The following USH2A variants were observed in gnomAD, a reference collection of about 807,000 sequenced individuals.
The protein encoded by USH2A is usherin.
A neutral mutation model predicts 538.9 loss-of-function variants in USH2A; 443 were observed. That is an observed-to-expected ratio of 0.82 (90% CI 0.76 to 0.89). The LOEUF is 0.89. USH2A is among the 40% of genes least tolerant of loss of function. The probability of loss-of-function intolerance (pLI) is 0.00; values close to 1 mark genes in which losing one functional copy is unlikely to be tolerated. For synonymous variants in USH2A, 2,413 were observed against 2,273.5 expected, an observed-to-expected ratio of 1.06 and a Z score of -1.75; for missense variants, 6,633 against 6,324.8, an observed-to-expected ratio of 1.05 and a Z score of -1.65.
chr1:216,321,849 T>A (rs7515253), intron 9 of USH2A, 34 bp downstream of exon 9: 1 of 1,566,274 alleles, frequency 6.4e-7, no homozygotes. Flanking sequence ...CTACTATTTT[T>A]TTTTTAGATT....
At chr1:216,164,659 CA>C (rs1245264740) in intron 21 of USH2A, among the ~76,000 whole-genome samples, 1 of 151,854 alleles carries the variant, frequency 6.6e-6, no homozygotes, top group Non-Finnish European at 1.5e-5. Flanking sequence ...ACAATGACAA[CA>C]AAAAACAGGT....
At chr1:215,798,641 A>G (rs1662208656) in intron 50 of USH2A, among the ~76,000 whole-genome samples, 1 of 152,146 alleles carries the variant, frequency 6.6e-6, no homozygotes, top group Non-Finnish European at 1.5e-5. Flanking sequence ...ATTCATAACC[A>G]ATGCATTCAT....
At chr1:215,893,804 T>G (rs552300132) in intron 40 of USH2A, among the ~76,000 whole-genome samples, 1 of 152,282 alleles carries the variant, frequency 6.6e-6, no homozygotes, top group East Asian at 1.9e-4. Flanking sequence ...GGATAGAATT[T>G]TTGATTAATC....
At chr1:215,655,063 A>G (rs1657198991) in intron 64 of USH2A, among the ~76,000 whole-genome samples, 1 of 152,190 alleles carries the variant, frequency 6.6e-6, no homozygotes, top group South Asian at 2.1e-4. Context: ...TTCCTTAGCC[A>G]TGGTCATCAA....
intron 20 of USH2A, among the ~76,000 whole-genome samples, chr1:216,185,534 C>T (rs1393968860): frequency 6.6e-6 from 1 of 151,912 alleles, no homozygotes; most frequent in East Asian, 1.9e-4. Context: ...AATGGTCACT[C>T]GTTTCCATTG....
intron 18 of USH2A, among the ~76,000 whole-genome samples, chr1:216,197,507 A>G (rs1003985555): frequency 6.6e-6 from 1 of 152,142 alleles, no homozygotes; most frequent in Non-Finnish European, 1.5e-5. Flanking sequence ...GATGGCTGGT[A>G]GTCATTAAGA....
intron 3 of USH2A, among the ~76,000 whole-genome samples, chr1:216,371,506 A>T (rs1248142928): frequency 6.6e-6 from 1 of 152,194 alleles, no homozygotes; most frequent in African/African-American, 2.4e-5. Flanking sequence ...ATTAACTAAA[A>T]TACTGTCTTT....
chr1:215,836,505 A>T (rs1398922182), intron 47 of USH2A, among the ~76,000 whole-genome samples: 6 of 16,800 alleles, frequency 3.6e-4, no homozygotes, highest in African/African-American at 1.3e-3. Flanking sequence ...TATAATATAT[A>T]TTATATATAT....
At chr1:215,935,965 A>T (rs557272791) in intron 37 of USH2A, among the ~76,000 whole-genome samples, 7 of 152,166 alleles carry the variant, frequency 4.6e-5, no homozygotes, top group African/African-American at 1.7e-4. Context: ...GAATCACTTG[A>T]ACCCACAAAT....
rs773490498 is a variant in USH2A, at chr1:215,838,028, C to A, written c.9334G>T (p.Asp3112Tyr). ...QITTVEDTPSDIPTPTIRGIT... is the reference protein window; with the variant it reads ...QITTVEDTPSYIPTPTIRGIT... The stretch of plus-strand genomic sequence containing the variant: ...CCACGAATTGTGGGTGTTGGTATAT[C>A]ACTTGGAGTGTCTTCCACAGTGGTA... The change falls in exon 47 of 72, where the codon GAT (aspartate) becomes TAT (tyrosine). Residue 3112 changes from aspartate to tyrosine, a missense_variant. By Grantham distance (160) the Asp-to-Tyr change is radical (BLOSUM62 -3). Coordinates refer to ENST00000307340, the MANE Select transcript of USH2A (RefSeq NM_206933.4). The A allele has an allele frequency of 1.2e-6, 2 of 1,614,018 alleles. No individual in the cohort carries two copies. The highest frequency in any genetic ancestry group is 3.3e-5 in the Admixed American group (2 of 59,988).
chr1:215,924,545 T>C (rs917766337), intron 38 of USH2A, among the ~76,000 whole-genome samples: 1 of 151,910 alleles, frequency 6.6e-6, no homozygotes, highest in Non-Finnish European at 1.5e-5. Flanking sequence ...TTTAGGGCAC[T>C]ATAAAAATTC....
chr1:215,828,387 C>G (rs1182264328), intron 47 of USH2A, among the ~76,000 whole-genome samples: 1 of 152,066 alleles, frequency 6.6e-6, no homozygotes, highest in Non-Finnish European at 1.5e-5. Context: ...CCTGGAAGGT[C>G]AAGGCTGCAG....
chr1:215,710,298 A>C (rs1468735283), intron 61 of USH2A, among the ~76,000 whole-genome samples: 1 of 152,176 alleles, frequency 6.6e-6, no homozygotes, highest in African/African-American at 2.4e-5. Context: ...ATTCAAACCA[A>C]AGCACGTAGC....
chr1:215,814,958 T>C (rs1246231625), intron 48 of USH2A, among the ~76,000 whole-genome samples: 1 of 152,128 alleles, frequency 6.6e-6, no homozygotes, highest in African/African-American at 2.4e-5. Flanking sequence ...GGCTGTAATC[T>C]TATGGTAAAG....
intron 35 of USH2A, among the ~76,000 whole-genome samples, chr1:215,974,316 C>G (rs999958030): frequency 6.6e-6 from 1 of 152,094 alleles, no homozygotes; most frequent in African/African-American, 2.4e-5. Flanking sequence ...TTTTCTTTAA[C>G]TAGAACACAG....
intron 61 of USH2A, among the ~76,000 whole-genome samples, chr1:215,689,462 C>A (rs1658531633): frequency 1.3e-5 from 2 of 152,184 alleles, no homozygotes; most frequent in Admixed American, 6.5e-5. Context: ...AAGGTGACCC[C>A]TGCAATGAAT....
intron 41 of USH2A, among the ~76,000 whole-genome samples, chr1:215,881,267 AGTGGCTAGG>A (rs533582895): frequency 6.6e-6 from 1 of 152,096 alleles, no homozygotes; most frequent in South Asian, 2.1e-4. Flanking sequence ...CAGCCCCCTG[AGTGGCTAGG>A]AGTATACGCG....
chr1:215,650,930 C>T, intron 64 of USH2A, 129 bp from the exon 65 acceptor site: 3 of 985,958 alleles, frequency 3.0e-6, no homozygotes, highest in South Asian at 1.5e-5. Context: ...AAGAGATAAA[C>T]TTTGATCTTG....
chr1:215,767,783 T>C (rs1661173742), intron 55 of USH2A, among the ~76,000 whole-genome samples: 1 of 152,146 alleles, frequency 6.6e-6, no homozygotes, highest in Non-Finnish European at 1.5e-5. Flanking sequence ...ATACTCAAAG[T>C]AGTATTTCAT....
Sources: gnomAD v4.1 joint callset for allele counts (sites outside exome capture counted in the v4.1 genomes callset) on GRCh38, gnomAD v4.1.1 for gene constraint, MANE v1.5 for transcripts, NCBI Gene and HGNC (gene_info 2026-07-23, HGNC 2026-07-21) for gene names.